ZNF142: variants seen among roughly 807,000 people sequenced by gnomAD.
ZNF142 encodes the protein zinc finger protein 142 (clone pHZ-49).
In ZNF142, 96 loss-of-function variants were observed where a neutral mutation model predicts 132.1. That is an observed-to-expected ratio of 0.73 (90% CI 0.62 to 0.86). The LOEUF (loss-of-function observed/expected upper bound fraction) is 0.86, where lower values mean the gene tolerates loss of function less well. Among genes scored for constraint, ZNF142 ranks in the 40% least tolerant of loss-of-function variants. ZNF142 has a pLI of 0.00. For missense variants in ZNF142, 2,163 were observed against 2,336.2 expected (o/e 0.93, Z 1.53); for synonymous variants, 842 against 890.1 (o/e 0.95, Z 0.96).
Position 218,644,873 on chromosome 2 carries a change from T to C in ZNF142, c.2243A>G (p.Tyr748Cys). The C allele has an allele frequency of 1.2e-6, 2 of 1,614,058 alleles. No homozygotes were observed. The highest frequency in any genetic ancestry group is 1.7e-6 in the Non-Finnish European group (2 of 1,179,940). Residue 748 changes from tyrosine (Y) to cysteine (C), a missense_variant, in exon 9 of 11, where the codon TAC (tyrosine) becomes TGC (cysteine). Tyr to Cys is a radical substitution (Grantham distance 194). This residue lies in a region of ZNF142 where 749 missense variants were observed against 830.3 expected (regional missense o/e 0.90). Transcript: ENST00000411696. The surrounding 1 kb of genome is among the most constrained non-coding windows in gnomAD (Gnocchi z 4.6). ...CTTGTGGCGGCTCTGGTAACTGCAG[T>C]AGTGGCAAGGGTAGAGTGGGGCCGG... ...GTPAPLYPCH[Y>C]CSYQSRHKQA...
Position 218,643,353 on chromosome 2 carries a change from C to T in ZNF142, c.3763G>A (p.Gly1255Arg), listed in dbSNP as rs145510620. 398 of 1,614,184 alleles carry T rather than the reference C, an allele frequency of 2.5e-4. 3 individuals are homozygous for T. In the East Asian group the frequency reaches 7.0e-3, roughly 29 times the overall value. ...TGGGGGGTCCCTCGTTTTCCTCCCCCGCCACGTCCCCCCCTGCAGCCTTCA... is the reference window on the plus strand; with the variant it reads ...TGGGGGGTCCCTCGTTTTCCTCCCCTGCCACGTCCCCCCCTGCAGCCTTCA... ...VAEGCRGGRG[G>R]GGKRGTPQTQ... Residue 1255 changes from glycine (G) to arginine (R), a missense_variant, in exon 9 of 11, where the codon GGG (glycine) becomes AGG (arginine). Physicochemically the swap from Gly to Arg is moderately radical, Grantham distance 125. Around this residue, in one of 7 missense-constraint regions of ZNF142, gnomAD observed 809 missense variants for 801.7 expected, o/e 1.01. Transcript: ENST00000411696.
In ZNF142 at chr2:218,648,785, T is replaced by G. The variant is rs1409630840; in HGVS notation, c.1723A>C (p.Thr575Pro). Reference protein sequence around the residue: ...GHPGSEELRCTFCPFATFNPV... With the variant: ...GHPGSEELRCPFCPFATFNPV... ...TTGAAGGTGGCAAAGGGGCAGAAGG[T>G]GCAGCGCAGCTCTTCACTGCCAGGG... The change falls in exon 7 of 11, where the codon ACC becomes CCC. Residue 575 changes from threonine (T) to proline (P), a missense_variant. Physicochemically the swap from Thr to Pro is conservative, Grantham distance 38. This residue lies in a region of ZNF142 where 749 missense variants were observed against 830.3 expected (regional missense o/e 0.90). Transcript: ENST00000411696. 6.2e-7 allele frequency: 1 copy of G among 1,614,192 alleles called. No individual in the cohort carries two copies. The highest frequency in any genetic ancestry group is 8.5e-7 in the Non-Finnish European group (1 of 1,180,016).
Position 218,649,044 on chromosome 2 carries a change from G to T in ZNF142, c.1464C>A (p.Cys488Ter). The change falls in exon 7 of 11, where the codon TGC becomes TGA. Residue 488 changes from cysteine (C) to a stop codon, truncating the protein, a stop_gained. Transcript: ENST00000411696. LOFTEE classifies it high-confidence loss of function. ...AAAAEPLPLR[C>*]FQEGCSYAAP... ...CTGCATAGCTGCAGCCCTCCTGAAA[G>T]CAGCGAAGGGGTAATGGCTCTGCTG... 1 of 1,613,436 alleles carries T rather than the reference G, an allele frequency of 6.2e-7. No homozygotes were observed. The highest frequency in any genetic ancestry group is 8.5e-7 in the Non-Finnish European group (1 of 1,180,052).
rs200756709 is a variant in ZNF142, at chr2:218,643,530, G to A, written c.3586C>T (p.Pro1196Ser). The A allele has an allele frequency of 6.5e-5, 104 of 1,609,718 alleles. No homozygotes were observed. Among genetic ancestry groups the A allele is most frequent in the Non-Finnish European group, 1.3e-5 (15 of 1,177,140 alleles). Residue 1196 changes from proline to serine, a missense_variant, in exon 9 of 11, where the codon CCT (proline) becomes TCT (serine). This residue lies in a region of ZNF142 where 809 missense variants were observed against 801.7 expected (regional missense o/e 1.01). Coordinates refer to ENST00000411696, the MANE Select transcript of ZNF142 (RefSeq NM_001379659.1). ...ACTGGGTCAAGGTGGTGCTTCTTAG[G>A]GGCCTCCGTGGGTGAGGAGTTTCCT... ...PAGNSSPTEA[P>S]KKHHLDPVPP...
chr2:218,640,620 G>A, intron 10 of ZNF142, 44 bp downstream of exon 10: 8 of 1,581,690 alleles, frequency 5.1e-6, no homozygotes, highest in Non-Finnish European at 6.9e-6. Context: ...GTTTGCCAGG[G>A]AACAAAGGAA....
rs1696542341 is a variant in ZNF142 at position 218,633,874 on chromosome 2, G to A, written c.*4465C>T. On this transcript the variant is annotated 3_prime_UTR_variant, in exon 11 of 11. Transcript: ENST00000411696. Reference sequence around the variant, plus strand: ...ACAAGGTAGCTAAGGAGAGATGAAGGAGTTCAGAAACTCCTTAGAGCAGAC... The same window carrying A: ...ACAAGGTAGCTAAGGAGAGATGAAGAAGTTCAGAAACTCCTTAGAGCAGAC... 9.4e-7 allele frequency: 1 copy of A among 1,061,180 alleles called. No homozygotes were observed. The highest frequency in any genetic ancestry group is 1.4e-6 in the Non-Finnish European group (1 of 709,892). The allele number at this position is 1,061,180 out of a possible 1,614,324, so 65.7% of individuals were successfully genotyped here.
chr2:218,648,605 A>G (rs775332156), intron 7 of ZNF142, 30 bp downstream of exon 7: 7 of 1,594,310 alleles, frequency 4.4e-6, no homozygotes. Flanking sequence ...CATTATTACA[A>G]CATTATTTTA....
In ZNF142 at chr2:218,636,549, A is replaced by T. The variant is rs1696767110; in HGVS notation, c.*1790T>A. The T allele has an allele frequency of 6.2e-7, 1 of 1,613,990 alleles. No homozygotes were observed. Among genetic ancestry groups the T allele is most frequent in the Non-Finnish European group, 8.5e-7 (1 of 1,179,888 alleles). ...TCCATCTTTGTGTATATCTGCATCC[A>T]GGAAGGCCTGGAGGGGGATGAGTCC... On this transcript the variant is annotated 3_prime_UTR_variant, in exon 11 of 11. Transcript: ENST00000411696.
rs1251297735 is a variant in ZNF142 at position 218,651,755 on chromosome 2, TC to T, written c.825del (p.Thr276HisfsTer48). ...FRQHQRSHGAGTQGELSAVQG... is the reference protein window; with the variant it reads ...FRQHQRSHGAXTQGELSAVQG... The stretch of plus-strand genomic sequence containing the variant: ...TGAACGGCAGAAAGTTCTCCCTGTG[TC>T]CCAGCACCATGGCTCCGCTGATGCT... On this transcript the variant is annotated frameshift_variant, in exon 5 of 11. Transcript: ENST00000411696. LOFTEE classifies it high-confidence loss of function. The T allele has an allele frequency of 6.2e-6, 8 of 1,289,850 alleles. No homozygotes were observed. The highest frequency in any genetic ancestry group is 8.1e-6 in the Non-Finnish European group (8 of 988,872). 79.9% of individuals were successfully genotyped at this position (1,289,850 alleles called of 1,614,324 possible).
chr2:218,645,103 A>G, intron 8 of ZNF142, 39 bp from the exon 9 acceptor site: 1 of 1,590,418 alleles, frequency 6.3e-7, no homozygotes, highest in Non-Finnish European at 8.6e-7. Context: ...CACAATAATT[A>G]ATCACAACAA....
At chr2:218,649,522 G>A (rs1401366851) in intron 6 of ZNF142, 63 bp from the exon 7 acceptor site, 3 of 1,424,814 alleles carry the variant, frequency 2.1e-6, no homozygotes, top group Non-Finnish European at 2.8e-6. Flanking sequence ...CAGATAATGG[G>A]AGAACCACAA....
At chr2:218,650,630 T>G (rs1320798970) in intron 5 of ZNF142, 104 bp from the exon 6 acceptor site, 21 of 1,152,858 alleles carry the variant, frequency 1.8e-5, no homozygotes, top group Non-Finnish European at 2.4e-5. Context: ...CTCCCACTTT[T>G]AGCATAAGGA....
intron 6 of ZNF142, 98 bp downstream of exon 6, chr2:218,650,261 C>A (rs1377913682): frequency 6.7e-7 from 1 of 1,486,494 alleles, no homozygotes; most frequent in East Asian, 2.3e-5. Flanking sequence ...AGGATCCGAA[C>A]CAAAGCTCAG....
At chr2:218,653,846 A>T (rs532239792) in intron 4 of ZNF142, among the ~76,000 whole-genome samples, 1 of 152,094 alleles carries the variant, frequency 6.6e-6, no homozygotes, top group South Asian at 2.1e-4. Flanking sequence ...AATAAAAATA[A>T]TTTTTTTGGC....
chr2:218,643,367 C>G lies in ZNF142; in HGVS notation c.3749G>C (p.Arg1250Thr). ...TTTTCCTCCCCCGCCACGTCCCCCC[C>G]TGCAGCCTTCAGCCACGTGAGAGGT... is the stretch of plus-strand genomic sequence containing the variant. ...SITSHVAEGC[R>T]GGRGGGGKRG... The change falls in exon 9 of 11, where the codon AGG (arginine) becomes ACG (threonine). Residue 1250 changes from arginine (R) to threonine (T), a missense_variant. This residue lies in a region of ZNF142 where 809 missense variants were observed against 801.7 expected (regional missense o/e 1.01). Coordinates refer to ENST00000411696, the MANE Select transcript of ZNF142 (RefSeq NM_001379659.1). 1.2e-6 allele frequency: 2 copies of G among 1,614,234 alleles called. No homozygotes were observed. The highest frequency in any genetic ancestry group is 1.7e-6 in the Non-Finnish European group (2 of 1,180,030).
At position 218,648,689 on chromosome 2, in the gene ZNF142, T is replaced by G; in HGVS notation, c.1819A>C (p.Asn607His). The change falls in exon 7 of 11, where the codon AAC becomes CAC. Residue 607 changes from asparagine (N) to histidine (H), a missense_variant. Asn to His is a moderately conservative substitution (Grantham distance 68, BLOSUM62 1). Coordinates refer to ENST00000411696, the MANE Select transcript of ZNF142 (RefSeq NM_001379659.1). ...HEKIHQCPECNFATAHKRVLI... is the reference protein window; with the variant it reads ...HEKIHQCPECHFATAHKRVLI... ...ACCCTCTTGTGGGCAGTGGCAAAGT[T>G]GCACTCAGGACACTGGTGGATCTTT... 6.2e-7 allele frequency: 1 copy of G among 1,614,248 alleles called. No individual in the cohort carries two copies. The highest frequency in any genetic ancestry group is 2.2e-5 in the East Asian group (1 of 44,892).
chr2:218,634,036 T>A lies in ZNF142; in HGVS notation c.*4303A>T, dbSNP rs7574429. The stretch of plus-strand genomic sequence containing the variant: ...TGGAGAGAAGGGTGAAGAGTAGGCA[T>A]GGTCCTTGGGACTAGGGAAGTGGGA... On this transcript the variant is annotated 3_prime_UTR_variant, in exon 11 of 11. Transcript: ENST00000411696. The surrounding 1 kb of genome is among the most constrained non-coding windows in gnomAD (Gnocchi z 4.0). 2 of 1,537,434 alleles carry A rather than the reference T, an allele frequency of 1.3e-6. No homozygotes were observed. Among genetic ancestry groups the A allele is most frequent in the Non-Finnish European group, 1.8e-6 (2 of 1,136,900 alleles).
In ZNF142 at chr2:218,636,015, C is replaced by A. The variant is rs1696721282; in HGVS notation, c.*2324G>T. 8 of 1,587,558 alleles carry A rather than the reference C, an allele frequency of 5.0e-6. No individual in the cohort carries two copies. The East Asian group carries it at 1.6e-4, about 31-fold the overall frequency. On this transcript the variant is annotated 3_prime_UTR_variant, in exon 11 of 11. Transcript: ENST00000411696. Reference sequence around the variant, plus strand: ...GTCTGTCTTCCATTAAGTATAGCATCTGTTATTGCATGTCCCCACATGGGA... The same window carrying A: ...GTCTGTCTTCCATTAAGTATAGCATATGTTATTGCATGTCCCCACATGGGA...
intron 4 of ZNF142, among the ~76,000 whole-genome samples, chr2:218,653,590 AT>A (rs11290111): frequency 0.02 from 2,843 of 142,838 alleles, 88 homozygotes; most frequent in African/African-American, 0.069. Context: ...AAAAAAAAAA[AT>A]TTCAGTGCAA....
Sources: allele counts gnomAD v4.1 joint callset (sites outside exome capture counted in the v4.1 genomes callset), GRCh38; gene constraint gnomAD v4.1.1; regional missense constraint gnomAD v4.1.1; non-coding constraint Gnocchi (gnomAD v3.1); transcripts MANE v1.5; gene names NCBI Gene and HGNC (gene_info 2026-07-23, HGNC 2026-07-21).